The following HS6ST3 variants were observed in gnomAD, a reference collection of about 807,000 sequenced individuals.
The protein encoded by HS6ST3 is heparan sulfate 6-O-sulfotransferase 3.
In HS6ST3, 12 loss-of-function variants were observed where a neutral mutation model predicts 36.7. The observed-to-expected ratio is 0.33, with a 90% CI of 0.21 to 0.53. The LOEUF (loss-of-function observed/expected upper bound fraction) is 0.53. Ranked by LOEUF, HS6ST3 falls within the 20% of genes least tolerant of loss-of-function variation. HS6ST3 has a pLI of 0.95. For missense variants in HS6ST3, 584 were observed against 640.9 expected (o/e 0.91, Z 0.96); for synonymous variants, 240 against 257.5 (o/e 0.93, Z 0.65).
At chr13:96,102,350 T>C (rs924568328) in intron 1 of HS6ST3, among the ~76,000 whole-genome samples, 1 of 152,058 alleles carries the variant, frequency 6.6e-6, no homozygotes, top group African/African-American at 2.4e-5. Flanking sequence ...GGTGTGGTGG[T>C]GGGGGCCTGT....
intron 1 of HS6ST3, among the ~76,000 whole-genome samples, chr13:96,265,290 T>G (rs560748314): frequency 6.6e-6 from 1 of 152,216 alleles, no homozygotes; most frequent in South Asian, 2.1e-4. Context: ...TCCTCCCACC[T>G]GAGCCTCACA....
At chr13:96,561,893 C>T (rs1489497275) in intron 1 of HS6ST3, among the ~76,000 whole-genome samples, 3 of 152,058 alleles carry the variant, frequency 2.0e-5, no homozygotes, top group Admixed American at 6.5e-5. Flanking sequence ...GCTTACAAGG[C>T]TGTGGAGAAG....
intron 1 of HS6ST3, among the ~76,000 whole-genome samples, chr13:96,811,688 A>G (rs1259521970): frequency 1.3e-5 from 2 of 152,224 alleles, no homozygotes; most frequent in South Asian, 2.1e-4. Flanking sequence ...AGTTGAGCAC[A>G]TATAATAAAT....
intron 1 of HS6ST3, among the ~76,000 whole-genome samples, chr13:96,304,959 G>A (rs2054904978): frequency 6.6e-6 from 1 of 151,590 alleles, no homozygotes; most frequent in African/African-American, 2.4e-5. Flanking sequence ...CACCTGCCTC[G>A]GCTTCCCAAA....
intron 1 of HS6ST3, among the ~76,000 whole-genome samples, chr13:96,328,954 C>A (rs1429995530): frequency 1.3e-5 from 2 of 151,622 alleles, no homozygotes; most frequent in African/African-American, 4.8e-5. Context: ...TCTAGATTTT[C>A]TAGTTTATTT....
chr13:96,833,253 C>A lies in HS6ST3; in HGVS notation c.*55C>A. Reference sequence around the variant, plus strand: ...GAGGGTGAGCAGGCACATTGACTTTCTGTTGAGGTACCTTGGAGAAGCTGA... The same window carrying A: ...GAGGGTGAGCAGGCACATTGACTTTATGTTGAGGTACCTTGGAGAAGCTGA... On this transcript the variant is annotated 3_prime_UTR_variant, in exon 2 of 2. Coordinates refer to ENST00000376705, the MANE Select transcript of HS6ST3 (RefSeq NM_153456.4). 1 of 1,370,038 alleles carries A rather than the reference C, an allele frequency of 7.3e-7. No homozygotes were observed. Among genetic ancestry groups the A allele is most frequent in the South Asian group, 1.5e-5 (1 of 68,078 alleles). 84.9% of individuals were successfully genotyped at this position (1,370,038 alleles called of 1,614,324 possible).
Position 96,833,040 on chromosome 13 carries a change from C to T in HS6ST3, c.1258C>T (p.His420Tyr), listed in dbSNP as rs764600252. ...YAKDLFQQRY[H>Y]HTKQLEHQRD... ...AAAAGATCTCTTCCAGCAGCGCTAC[C>T]ACCACACCAAGCAGCTAGAGCACCA... The change falls in exon 2 of 2, where the codon CAC becomes TAC. Residue 420 changes from histidine (H) to tyrosine (Y), a missense_variant. Coordinates refer to ENST00000376705, the MANE Select transcript of HS6ST3 (RefSeq NM_153456.4). 1.2e-6 allele frequency: 2 copies of T among 1,613,678 alleles called. No homozygotes were observed. Among genetic ancestry groups the T allele is most frequent in the Non-Finnish European group, 1.7e-6 (2 of 1,180,012 alleles).
At chr13:96,219,918 G>A (rs767051168) in intron 1 of HS6ST3, among the ~76,000 whole-genome samples, 9 of 152,108 alleles carry the variant, frequency 5.9e-5, no homozygotes, top group Non-Finnish European at 1.2e-4. Context: ...TCTTGACCTC[G>A]TGATCTGCCC....
At chr13:96,738,240 C>A (rs983708984) in intron 1 of HS6ST3, among the ~76,000 whole-genome samples, 20 of 152,206 alleles carry the variant, frequency 1.3e-4, no homozygotes, top group Non-Finnish European at 2.8e-4. Context: ...TGTAAGCTTT[C>A]TGCATGGCCA....
chr13:96,195,573 T>C (rs2054308369), intron 1 of HS6ST3, among the ~76,000 whole-genome samples: 2 of 152,182 alleles, frequency 1.3e-5, no homozygotes, highest in African/African-American at 4.8e-5. Flanking sequence ...ACTCTATTGC[T>C]TGATGTAAAC....
chr13:96,243,310 G>T (rs1340521693), intron 1 of HS6ST3, among the ~76,000 whole-genome samples: 6 of 152,138 alleles, frequency 3.9e-5, no homozygotes, highest in African/African-American at 1.4e-4. Flanking sequence ...TGTTTCTTGA[G>T]CATTCTTTGT....
chr13:96,344,684 G>A (rs910618936), intron 1 of HS6ST3, among the ~76,000 whole-genome samples: 6 of 152,198 alleles, frequency 3.9e-5, no homozygotes, highest in East Asian at 1.9e-4. Context: ...ACAAAGAAGC[G>A]TTTGGTTTGT....
chr13:96,760,319 C>T (rs1045437393), intron 1 of HS6ST3, among the ~76,000 whole-genome samples: 4 of 151,666 alleles, frequency 2.6e-5, no homozygotes, highest in Non-Finnish European at 5.9e-5. Flanking sequence ...TATTTATATA[C>T]CTTTACTTAC....
chr13:96,249,236 G>A (rs1489282965), intron 1 of HS6ST3, among the ~76,000 whole-genome samples: 1 of 152,128 alleles, frequency 6.6e-6, no homozygotes, highest in Non-Finnish European at 1.5e-5. Context: ...ATATAACATA[G>A]TAGGGAGGAA....
intron 1 of HS6ST3, among the ~76,000 whole-genome samples, chr13:96,390,668 G>T (rs995434030): frequency 6.6e-6 from 1 of 152,096 alleles, no homozygotes; most frequent in Non-Finnish European, 1.5e-5. Context: ...CCCTTCTCTT[G>T]TCTACAACAC....
intron 1 of HS6ST3, among the ~76,000 whole-genome samples, chr13:96,112,758 C>G (rs372729992): frequency 0.033 from 2,556 of 77,768 alleles, 70 homozygotes; most frequent in African/African-American, 0.1. Context: ...CAGAACAAGA[C>G]TCTGTTTCAA....
intron 1 of HS6ST3, among the ~76,000 whole-genome samples, chr13:96,168,456 A>G (rs909915630): frequency 1.3e-5 from 2 of 152,134 alleles, no homozygotes; most frequent in Non-Finnish European, 2.9e-5. Context: ...CTGTAATCCC[A>G]GCACTTTGGG....
Position 96,552,888 on chromosome 13 carries a change from G to C in HS6ST3, c.708-279602G>C, listed in dbSNP as rs564524243. Among the ~76,000 whole-genome samples the C allele has an allele frequency of 1.1e-4, 17 of 152,308 alleles. No homozygotes were observed. The South Asian group carries it at 3.3e-3, about 30-fold the overall frequency. ...CCTCAGCATAAAGCAAAGGAATCCA[G>C]CTACCAGAACTGGAGTGCAGGCAGA... is the stretch of plus-strand genomic sequence containing the variant. On this transcript the variant is annotated intron_variant, in intron 1 of 1. Transcript: ENST00000376705.
intron 1 of HS6ST3, among the ~76,000 whole-genome samples, chr13:96,153,600 C>T (rs1007476910): frequency 6.6e-6 from 1 of 152,176 alleles, no homozygotes; most frequent in Non-Finnish European, 1.5e-5. Flanking sequence ...CTGAATCAAT[C>T]TCATGTTCTA....
Sources: gnomAD v4.1 joint callset for allele counts (sites outside exome capture counted in the v4.1 genomes callset) on GRCh38, gnomAD v4.1.1 for gene constraint, MANE v1.5 for transcripts, NCBI Gene and HGNC (gene_info 2026-07-23, HGNC 2026-07-21) for gene names.